CCSER1: variants seen among roughly 807,000 people sequenced by gnomAD.
CCSER1 encodes the protein coiled-coil serine rich protein 1.
Under a neutral mutation model 82.0 loss-of-function variants are expected in CCSER1, and 41 were observed. That is an observed-to-expected ratio of 0.50 (90% CI 0.39 to 0.65). The LOEUF (loss-of-function observed/expected upper bound fraction) is 0.65, where lower values mean the gene tolerates loss of function less well. CCSER1 is among the 30% of genes least tolerant of loss of function. The probability of loss-of-function intolerance (pLI) is 0.00; values close to 1 mark genes in which losing one functional copy is unlikely to be tolerated. For synonymous variants in CCSER1, 414 were observed against 383.9 expected (o/e 1.08, Z -0.92); for missense variants, 1,119 against 1,064.2 (o/e 1.05, Z -0.72).
intron 7 of CCSER1, among the ~76,000 whole-genome samples, chr4:90,796,859 G>T (rs990667998): frequency 2.0e-5 from 3 of 152,030 alleles, no homozygotes; most frequent in Non-Finnish European, 2.9e-5. Flanking sequence ...TGTTTTTTAT[G>T]ATTTCAGTTC....
chr4:90,881,112 A>T (rs1280951853), intron 8 of CCSER1, among the ~76,000 whole-genome samples: 2 of 152,168 alleles, frequency 1.3e-5, no homozygotes, highest in Admixed American at 6.5e-5. Flanking sequence ...ATGAGTTTTT[A>T]AAAATTTTTA....
intron 1 of CCSER1, among the ~76,000 whole-genome samples, chr4:90,277,861 C>T (rs1728119008): frequency 6.6e-6 from 1 of 152,066 alleles, no homozygotes; most frequent in Non-Finnish European, 1.5e-5. Flanking sequence ...AGAGCTTCTG[C>T]ACAGCAAGAG....
rs58159693 is a variant in CCSER1 at position 91,551,656 on chromosome 4, AACACACACACACACACACAC to A, written c.2218-46890_2218-46871del. The stretch of plus-strand genomic sequence containing the variant: ...TTCCTGAAGCAGCAGGCAAAAAACA[AACACACACACACACACACAC>A]ACACACACACACACACACACACACA... On this transcript the variant is annotated intron_variant, in intron 10 of 10. Transcript: ENST00000509176. Among the ~76,000 whole-genome samples the A allele has an allele frequency of 2.3e-4, 32 of 139,522 alleles. 1 individual carries two copies. Among genetic ancestry groups the A allele is most frequent in the South Asian group, 1.2e-3 (5 of 4,124 alleles). 91.5% of individuals were successfully genotyped at this position (139,522 alleles called of 152,430 possible).
chr4:90,702,384 T>C (rs1375046953), intron 6 of CCSER1, among the ~76,000 whole-genome samples: 3 of 152,196 alleles, frequency 2.0e-5, no homozygotes, highest in South Asian at 2.1e-4. Context: ...CAGTATTTTA[T>C]TGAGGATTTT....
chr4:90,355,079 C>T (rs572920640), intron 3 of CCSER1, among the ~76,000 whole-genome samples: 19 of 151,944 alleles, frequency 1.3e-4, no homozygotes, highest in Non-Finnish European at 2.5e-4. Context: ...TTCCTAAGAA[C>T]AAACAGTTAA....
intron 5 of CCSER1, among the ~76,000 whole-genome samples, chr4:90,573,260 G>A (rs1780328289): frequency 6.6e-6 from 1 of 152,254 alleles, no homozygotes; most frequent in Admixed American, 6.5e-5. Context: ...CAGAAGCCGT[G>A]GCCTGTTACA....
intron 9 of CCSER1, among the ~76,000 whole-genome samples, chr4:91,039,540 A>C (rs1322406030): frequency 6.6e-6 from 1 of 152,120 alleles, no homozygotes; most frequent in Admixed American, 6.6e-5. Flanking sequence ...AATTGAATGG[A>C]AATGGTAAAA....
intron 9 of CCSER1, among the ~76,000 whole-genome samples, chr4:90,942,966 T>A (rs984243505): frequency 1.4e-5 from 2 of 146,070 alleles, no homozygotes; most frequent in Non-Finnish European, 3.0e-5. Flanking sequence ...ATATATATAT[T>A]AAAGGAAGTA....
At chr4:90,353,256 G>C (rs1743815188) in intron 3 of CCSER1, among the ~76,000 whole-genome samples, 1 of 152,114 alleles carries the variant, frequency 6.6e-6, no homozygotes. Context: ...CATATAGCTA[G>C]AGTGAAGAAT....
intron 10 of CCSER1, among the ~76,000 whole-genome samples, chr4:91,312,799 T>C (rs1423065628): frequency 6.6e-6 from 1 of 151,958 alleles, no homozygotes; most frequent in Non-Finnish European, 1.5e-5. Context: ...GTGCAATCTA[T>C]GCATGTAAAA....
chr4:90,317,484 T>C (rs1395176181), intron 3 of CCSER1, among the ~76,000 whole-genome samples: 1 of 152,136 alleles, frequency 6.6e-6, no homozygotes, highest in Admixed American at 6.5e-5. Context: ...TAGCTGGGCA[T>C]GGTGGCCAGT....
chr4:90,836,502 C>T (rs1761826766), intron 8 of CCSER1, among the ~76,000 whole-genome samples: 3 of 152,094 alleles, frequency 2.0e-5, no homozygotes, highest in Non-Finnish European at 1.5e-5. Flanking sequence ...TGGACAAATT[C>T]CCAAATTCTA....
chr4:91,025,455 T>C lies in CCSER1; in HGVS notation c.2173-60495T>C, dbSNP rs557647744. Among the ~76,000 whole-genome samples the C allele has an allele frequency of 5.3e-5, 8 of 152,266 alleles. No individual in the cohort carries two copies. The East Asian group carries it at 1.3e-3, about 26-fold the overall frequency. ...CTTTTAGATGATGTGCTGGCACTTT[T>C]AGATGATGTTATATGCTGGGGCTTC... On this transcript the variant is annotated intron_variant, in intron 9 of 10. Coordinates refer to ENST00000509176, the MANE Select transcript of CCSER1 (RefSeq NM_001145065.2).
intron 10 of CCSER1, among the ~76,000 whole-genome samples, chr4:91,236,028 T>C (rs896619300): frequency 1.1e-4 from 9 of 78,630 alleles, no homozygotes; most frequent in Admixed American, 9.8e-4. Flanking sequence ...ATGGGTTAAA[T>C]TTTTTATTAA....
At chr4:90,789,965 T>C (rs528694177) in intron 7 of CCSER1, among the ~76,000 whole-genome samples, 11 of 152,256 alleles carry the variant, frequency 7.2e-5, no homozygotes, top group African/African-American at 2.6e-4. Context: ...TTATTTGCTC[T>C]CAACAGGAGT....
At chr4:91,319,575 A>G (rs1396171384) in intron 10 of CCSER1, 3 of 441,440 alleles carry the variant, frequency 6.8e-6, no homozygotes, top group East Asian at 7.0e-5. Context: ...GAAGTAAAGA[A>G]TAAGTGTCAC....
At chr4:90,724,714 T>A (rs1317040908) in intron 7 of CCSER1, 1 of 341,136 alleles carries the variant, frequency 2.9e-6, no homozygotes, top group African/African-American at 2.2e-5. Context: ...GTTGGGATGA[T>A]GTACTTAAGT....
At chr4:91,470,092 AC>A in intron 10 of CCSER1, among the ~76,000 whole-genome samples, 1 of 152,292 alleles carries the variant, frequency 6.6e-6, no homozygotes, top group South Asian at 2.1e-4. Context: ...TACTTATATA[AC>A]CAGTGCTGAA....
intron 7 of CCSER1, among the ~76,000 whole-genome samples, chr4:90,766,502 G>A (rs925032152): frequency 4.6e-5 from 7 of 151,940 alleles, no homozygotes; most frequent in Admixed American, 4.6e-4. Flanking sequence ...CATTGGCCAG[G>A]CCTGGTGAAT....
Sources: allele counts gnomAD v4.1 joint callset (sites outside exome capture counted in the v4.1 genomes callset), GRCh38; gene constraint gnomAD v4.1.1; transcripts MANE v1.5; gene names NCBI Gene and HGNC (gene_info 2026-07-23, HGNC 2026-07-21).